CSMD1: variants seen among roughly 807,000 people sequenced by gnomAD.
CSMD1 encodes the protein CUB and Sushi multiple domains 1, also known as CUB and sushi domain-containing protein 1.
CSMD1 carries 213 observed loss-of-function variants against 417.5 expected under a neutral mutation model. That is an observed-to-expected ratio of 0.51 (90% CI 0.46 to 0.57). The LOEUF is 0.57. Among genes scored for constraint, CSMD1 ranks in the 20% least tolerant of loss-of-function variants. The probability of loss-of-function intolerance (pLI) is 0.00; values close to 1 mark genes in which losing one functional copy is unlikely to be tolerated. For synonymous variants in CSMD1, 2,862 were observed against 1,736.8 expected (o/e 1.65, Z -16.11); for missense variants, 6,923 against 4,529.7 (o/e 1.53, Z -15.17).
At chr8:3,512,654 G>A (rs1270849316) in intron 10 of CSMD1, among the ~76,000 whole-genome samples, 4 of 148,738 alleles carry the variant, frequency 2.7e-5, no homozygotes, top group East Asian at 2.0e-4. Flanking sequence ...AGGCTGGAGT[G>A]CACTGGCATG....
At chr8:4,808,787 T>C (rs764637597) in intron 1 of CSMD1, among the ~76,000 whole-genome samples, 6 of 152,238 alleles carry the variant, frequency 3.9e-5, no homozygotes, top group East Asian at 1.9e-4. Flanking sequence ...TCATTTTTCA[T>C]ATTCCCCAGG....
intron 3 of CSMD1, among the ~76,000 whole-genome samples, chr8:4,347,282 T>A (rs1309317466): frequency 6.6e-6 from 1 of 152,110 alleles, no homozygotes; most frequent in Non-Finnish European, 1.5e-5. Context: ...ACCTTGGCCC[T>A]CTCTAAACAG....
chr8:3,547,197 G>A (rs1000574239), intron 10 of CSMD1, among the ~76,000 whole-genome samples: 2 of 152,180 alleles, frequency 1.3e-5, no homozygotes, highest in African/African-American at 4.8e-5. Context: ...AGAAAACAGG[G>A]CCACATGGCT....
At chr8:4,549,111 G>T (rs563847411) in intron 2 of CSMD1, among the ~76,000 whole-genome samples, 1 of 151,778 alleles carries the variant, frequency 6.6e-6, no homozygotes, top group Non-Finnish European at 1.5e-5. Flanking sequence ...TAAGAAAAGT[G>T]GTCATTAAAA....
intron 5 of CSMD1, among the ~76,000 whole-genome samples, chr8:3,966,471 A>G (rs1236884264): frequency 6.6e-6 from 1 of 151,936 alleles, no homozygotes. Flanking sequence ...ATATGTTTCC[A>G]TTTCTGTTAT....
intron 2 of CSMD1, among the ~76,000 whole-genome samples, chr8:4,558,602 C>A (rs990309023): frequency 1.3e-5 from 2 of 152,128 alleles, no homozygotes; most frequent in Non-Finnish European, 2.9e-5. Context: ...ACACATGGCT[C>A]ACACCTGTAA....
At chr8:3,572,996 A>G (rs1257319220) in intron 10 of CSMD1, among the ~76,000 whole-genome samples, 1 of 150,326 alleles carries the variant, frequency 6.7e-6, no homozygotes, top group Non-Finnish European at 1.5e-5. Context: ...TAAACTAGTT[A>G]TATACTATAT....
chr8:4,021,510 T>G (rs1181418543), intron 4 of CSMD1, among the ~76,000 whole-genome samples: 1 of 152,170 alleles, frequency 6.6e-6, no homozygotes, highest in Non-Finnish European at 1.5e-5. Context: ...AGCATCGTCC[T>G]CAGTAGAGTG....
intron 49 of CSMD1, among the ~76,000 whole-genome samples, chr8:3,058,775 G>A (rs1812401656): frequency 6.6e-6 from 1 of 151,980 alleles, no homozygotes; most frequent in African/African-American, 2.4e-5. Flanking sequence ...GCCCTAGGGA[G>A]GCTGCTAAGC....
intron 3 of CSMD1, among the ~76,000 whole-genome samples, chr8:4,294,614 GA>G (rs1329903053): frequency 6.6e-6 from 1 of 152,058 alleles, no homozygotes; most frequent in Middle Eastern, 3.2e-3. Flanking sequence ...TACAGACCCT[GA>G]ACATTCCAGA....
chr8:4,934,432 T>C (rs1409556135), intron 1 of CSMD1, among the ~76,000 whole-genome samples: 1 of 152,134 alleles, frequency 6.6e-6, no homozygotes, highest in Non-Finnish European at 1.5e-5. Flanking sequence ...TTTCATGTAG[T>C]TTTGCAAACC....
intron 3 of CSMD1, among the ~76,000 whole-genome samples, chr8:4,317,739 T>C (rs1161506217): frequency 6.6e-6 from 1 of 152,198 alleles, no homozygotes; most frequent in Admixed American, 6.5e-5. Flanking sequence ...AGTACATGTC[T>C]GTACCATTTA....
chr8:3,433,496 T>A (rs1033080946), intron 12 of CSMD1, among the ~76,000 whole-genome samples: 2 of 152,190 alleles, frequency 1.3e-5, no homozygotes, highest in Non-Finnish European at 2.9e-5. Context: ...GATTGCTTCT[T>A]GGTTCATTTT....
At chr8:4,369,184 C>A (rs1802261400) in intron 3 of CSMD1, among the ~76,000 whole-genome samples, 1 of 152,026 alleles carries the variant, frequency 6.6e-6, no homozygotes, top group African/African-American at 2.4e-5. Flanking sequence ...TTTTTGATTT[C>A]TGACTTAATT....
chr8:3,510,349 G>A (rs185366042), intron 10 of CSMD1, among the ~76,000 whole-genome samples: 1 of 151,762 alleles, frequency 6.6e-6, no homozygotes, highest in Non-Finnish European at 1.5e-5. Flanking sequence ...CGGAGCTTGG[G>A]GGAGGACAGT....
chr8:4,512,175 G>GAAA (rs994495531), intron 2 of CSMD1, among the ~76,000 whole-genome samples: 1 of 152,082 alleles, frequency 6.6e-6, no homozygotes, highest in African/African-American at 2.4e-5. Context: ...ACAGGTTAAA[G>GAAA]AAAAAATCAC....
intron 1 of CSMD1, among the ~76,000 whole-genome samples, chr8:4,702,122 G>T (rs531189399): frequency 2.0e-5 from 3 of 152,152 alleles, no homozygotes; most frequent in Non-Finnish European, 4.4e-5. Context: ...TGAGGTGGGC[G>T]AAGGTAGAGC....
intron 3 of CSMD1, among the ~76,000 whole-genome samples, chr8:4,283,487 T>C (rs1796899279): frequency 1.3e-5 from 2 of 152,244 alleles, no homozygotes; most frequent in Middle Eastern, 3.2e-3. Flanking sequence ...TGTACCAATA[T>C]ATTTTGCTTT....
At chr8:4,327,461 G>A (rs1385721832) in intron 3 of CSMD1, among the ~76,000 whole-genome samples, 1 of 152,176 alleles carries the variant, frequency 6.6e-6, no homozygotes, top group Non-Finnish European at 1.5e-5. Context: ...CCAGGTTGCT[G>A]CCTGTAGGTA....
Sources: allele counts gnomAD v4.1 joint callset (sites outside exome capture counted in the v4.1 genomes callset), GRCh38; gene constraint gnomAD v4.1.1; transcripts MANE v1.5; gene names NCBI Gene and HGNC (gene_info 2026-07-23, HGNC 2026-07-21).